PON1: variants seen among roughly 807,000 people sequenced by gnomAD.
PON1 encodes paraoxonase 1, also known as serum paraoxonase/arylesterase 1.
Under a neutral mutation model 39.2 loss-of-function variants are expected in PON1, and 37 were observed. That is an observed-to-expected ratio of 0.94 (90% CI 0.73 to 1.24). The LOEUF is 1.24. PON1 is among the 50% of genes most tolerant of loss of function. The pLI, the probability that PON1 is intolerant of heterozygous loss-of-function variation, is 0.00. For synonymous variants in PON1, 148 were observed against 152.2 expected (o/e 0.97, Z 0.21); for missense variants, 397 against 413.5 (o/e 0.96, Z 0.35).
At chr7:95,318,577 A>G (rs1807825662) in intron 1 of PON1, 184 bp from the exon 2 acceptor site, 1 of 574,700 alleles carries the variant, frequency 1.7e-6, no homozygotes, top group Non-Finnish European at 3.1e-6. Context: ...TGGGTACAAT[A>G]TTTAGTTTTT....
chr7:95,311,661 C>A, intron 4 of PON1, 84 bp from the exon 5 acceptor site: 2 of 1,406,214 alleles, frequency 1.4e-6, no homozygotes, highest in South Asian at 2.3e-5. Flanking sequence ...TTCAACCCAC[C>A]TCCAGCTAGT....
intron 3 of PON1, among the ~76,000 whole-genome samples, chr7:95,316,517 A>G (rs3917501): frequency 0.012 from 1,790 of 152,348 alleles, 40 homozygotes; most frequent in African/African-American, 0.041. Context: ...CTAACGTAAT[A>G]TGGTTCAATG....
chr7:95,309,305 T>C (rs1436313523), intron 5 of PON1, among the ~76,000 whole-genome samples: 2 of 139,530 alleles, frequency 1.4e-5, no homozygotes, highest in Non-Finnish European at 3.0e-5. Flanking sequence ...CTAGCCACTA[T>C]TACAACATGA....
chr7:95,323,034 G>A (rs535621970), intron 1 of PON1, among the ~76,000 whole-genome samples: 28 of 152,212 alleles, frequency 1.8e-4, no homozygotes, highest in African/African-American at 6.0e-4. Flanking sequence ...TTCTCTCCCT[G>A]GGGCAGATTC....
At chr7:95,323,384 C>T (rs1056698378) in intron 1 of PON1, among the ~76,000 whole-genome samples, 1 of 152,124 alleles carries the variant, frequency 6.6e-6, no homozygotes, top group East Asian at 1.9e-4. Flanking sequence ...AGAATACCAA[C>T]TGCTTCTTAC....
intron 5 of PON1, among the ~76,000 whole-genome samples, chr7:95,310,413 C>G (rs1438141794): frequency 1.3e-5 from 2 of 152,322 alleles, no homozygotes; most frequent in African/African-American, 4.8e-5. Flanking sequence ...ACCTTATTCT[C>G]TCTCCAAAAT....
chr7:95,323,492 C>G (rs1272415052), intron 1 of PON1, among the ~76,000 whole-genome samples: 4 of 151,988 alleles, frequency 2.6e-5, no homozygotes, highest in Non-Finnish European at 5.9e-5. Flanking sequence ...AGTCCATAAG[C>G]TCATATAATT....
In PON1 at chr7:95,302,123, C is replaced by CAAAAAAAAAA. The variant is rs1198986302; in HGVS notation, c.909+81_909+82insTTTTTTTTTT. 3.3e-5 allele frequency: 15 copies of CAAAAAAAAAA among 460,352 alleles called. No individual in the cohort carries two copies. In the African/African-American group the frequency reaches 5.8e-4, roughly 18 times the overall value. The allele number at this position is 460,352 out of a possible 1,614,324, so 28.5% of individuals were successfully genotyped here. A position where few individuals can be genotyped will look rare whatever the true frequency, so the allele number is the denominator to read the frequency against. On this transcript the variant is annotated intron_variant, in intron 8 of 8. Coordinates refer to ENST00000222381, the MANE Select transcript of PON1 (RefSeq NM_000446.7). ...AAAAAAAAAAAAAAAAAAAAAAAAC[C>CAAAAAAAAAA]AAGAATTGAGAATTATGTTGTCAAC...
chr7:95,321,794 T>C (rs867533882), intron 1 of PON1, among the ~76,000 whole-genome samples: 11 of 152,338 alleles, frequency 7.2e-5, no homozygotes, highest in African/African-American at 2.6e-4. Flanking sequence ...CTACTCATGA[T>C]GCTTTGTAGC....
In PON1 at chr7:95,298,633, G is replaced by T; in HGVS notation, c.*311C>A. Reference sequence around the variant, plus strand: ...GCTTCCAGGCAACACATGTTTTAGGGTAAGTACTTTTGGGGTCACACACTG... The same window carrying T: ...GCTTCCAGGCAACACATGTTTTAGGTTAAGTACTTTTGGGGTCACACACTG... On this transcript the variant is annotated 3_prime_UTR_variant, in exon 9 of 9. Coordinates refer to ENST00000222381, the MANE Select transcript of PON1 (RefSeq NM_000446.7). 1 of 421,008 alleles carries T rather than the reference G, an allele frequency of 2.4e-6. No homozygotes were observed. Among genetic ancestry groups the T allele is most frequent in the Non-Finnish European group, 4.5e-6 (1 of 224,370 alleles). The allele number at this position is 421,008 out of a possible 1,614,324, so 26.1% of individuals were successfully genotyped here. A position where few individuals can be genotyped will look rare whatever the true frequency, so the allele number is the denominator to read the frequency against.
At chr7:95,314,455 A>G (rs1242687541) in intron 4 of PON1, among the ~76,000 whole-genome samples, 1 of 152,054 alleles carries the variant, frequency 6.6e-6, no homozygotes, top group Admixed American at 6.6e-5. Context: ...GAGATTTGTT[A>G]GTAGGAACAT....
Position 95,302,407 on chromosome 7 carries a change from A to G in PON1, c.781-74T>C. 4 of 1,408,736 alleles carry G rather than the reference A, an allele frequency of 2.8e-6. No individual in the cohort carries two copies. In the South Asian group the frequency reaches 4.7e-5, roughly 17 times the overall value. 87.3% of individuals were successfully genotyped at this position (1,408,736 alleles called of 1,614,324 possible). On this transcript the variant is annotated intron_variant, in intron 7 of 8. Transcript: ENST00000222381. The stretch of plus-strand genomic sequence containing the variant: ...ATTGTGATGGAGCAAAATATATCAG[A>G]GAAAAGTTGCCTCTTGTCCTTGGTC...
chr7:95,314,570 A>G (rs1351581047), intron 4 of PON1, among the ~76,000 whole-genome samples: 1 of 152,160 alleles, frequency 6.6e-6, no homozygotes, highest in African/African-American at 2.4e-5. Context: ...GGTAATGGGT[A>G]TAAACGTGGT....
rs960596396 is a variant in PON1, at chr7:95,297,876, T to A, written c.*1068A>T. The A allele has an allele frequency of 2.6e-5, 4 of 152,130 alleles. No individual in the cohort carries two copies. The highest frequency in any genetic ancestry group is 9.7e-5 in the African/African-American group (4 of 41,394). The allele number at this position is 152,130 out of a possible 1,614,324, so 9.4% of individuals were successfully genotyped here. A position where few individuals can be genotyped will look rare whatever the true frequency, so the allele number is the denominator to read the frequency against. On this transcript the variant is annotated 3_prime_UTR_variant, in exon 9 of 9. Coordinates refer to ENST00000222381, the MANE Select transcript of PON1 (RefSeq NM_000446.7). Reference sequence around the variant, plus strand: ...AAGAAGTAATTCATCATGAAGGTTATACCTTCAAATCAGAAAAACAAATAA... The same window carrying A: ...AAGAAGTAATTCATCATGAAGGTTAAACCTTCAAATCAGAAAAACAAATAA...
rs1376678422 is a variant in PON1 at position 95,297,833 on chromosome 7, C to T, written c.*1111G>A. On this transcript the variant is annotated 3_prime_UTR_variant, in exon 9 of 9. Coordinates refer to ENST00000222381, the MANE Select transcript of PON1 (RefSeq NM_000446.7). ...CAAGAAAAAAATTTGTTTCTAAAGT[C>T]ACTGCCTTAACACCCTGAAGAAGTA... 8 of 152,250 alleles carry T rather than the reference C, an allele frequency of 5.3e-5. No homozygotes were observed. The East Asian group carries it at 1.5e-3, about 29-fold the overall frequency. 9.4% of individuals were successfully genotyped at this position (152,250 alleles called of 1,614,324 possible). A position where few individuals can be genotyped will look rare whatever the true frequency, so the allele number is the denominator to read the frequency against.
intron 1 of PON1, among the ~76,000 whole-genome samples, chr7:95,322,657 C>G (rs985831174): frequency 6.6e-6 from 1 of 152,154 alleles, no homozygotes; most frequent in African/African-American, 2.4e-5. Flanking sequence ...AGTTGCCATA[C>G]AGATGCTGCA....
chr7:95,311,607 C>G lies in PON1; in HGVS notation c.371-30G>C, dbSNP rs745912697. On this transcript the variant is annotated intron_variant, in intron 4 of 8. Coordinates refer to ENST00000222381, the MANE Select transcript of PON1 (RefSeq NM_000446.7). Reference sequence around the variant, plus strand: ...GAGGAGATTAAAAACAAAAATGAAACATTAACTAAGCTCTCACTGTCAGCC... The same window carrying G: ...GAGGAGATTAAAAACAAAAATGAAAGATTAACTAAGCTCTCACTGTCAGCC... 14 of 1,613,468 alleles carry G rather than the reference C, an allele frequency of 8.7e-6. No homozygotes were observed. In the Admixed American group the frequency reaches 2.2e-4, roughly 25 times the overall value.
Position 95,323,411 on chromosome 7 carries a change from G to A in PON1, c.74+991C>T, listed in dbSNP as rs185633514. Among the ~76,000 whole-genome samples the A allele has an allele frequency of 4.6e-5, 7 of 152,006 alleles. 1 individual carries two copies. The highest frequency in any genetic ancestry group is 3.9e-4 in the East Asian group (2 of 5,186). The stretch of plus-strand genomic sequence containing the variant: ...GCTTCTTACTTTTTTTCTGCACTCT[G>A]TAACTTAAAAAAATTAGAAAAACAT... On this transcript the variant is annotated intron_variant, in intron 1 of 8. Coordinates refer to ENST00000222381, the MANE Select transcript of PON1 (RefSeq NM_000446.7).
At chr7:95,307,420 G>A (rs908445159) in intron 6 of PON1, among the ~76,000 whole-genome samples, 1 of 152,004 alleles carries the variant, frequency 6.6e-6, no homozygotes, top group African/African-American at 2.4e-5. Flanking sequence ...GATGAGAAAG[G>A]GCATATATGT....
Sources: gnomAD v4.1 joint callset for allele counts (sites outside exome capture counted in the v4.1 genomes callset) on GRCh38, gnomAD v4.1.1 for gene constraint, MANE v1.5 for transcripts, NCBI Gene and HGNC (gene_info 2026-07-23, HGNC 2026-07-21) for gene names.